KANSL3: variants seen among roughly 807,000 people sequenced by gnomAD.
The protein encoded by KANSL3 is NSL complex protein NSL3.
Under a neutral mutation model 89.2 loss-of-function variants are expected in KANSL3, and 16 were observed. The observed-to-expected ratio is 0.18, with a 90% CI of 0.12 to 0.27. The LOEUF (loss-of-function observed/expected upper bound fraction) is 0.27, where lower values mean the gene tolerates loss of function less well. Ranked by LOEUF, KANSL3 falls within the 10% of genes least tolerant of loss-of-function variation. KANSL3 has a pLI of 1.00. For missense variants in KANSL3, 879 were observed against 1,110.6 expected, an observed-to-expected ratio of 0.79 and a Z score of 2.96; for synonymous variants, 385 against 419.7, an observed-to-expected ratio of 0.92 and a Z score of 1.01.
intron 6 of KANSL3, 148 bp downstream of exon 6, chr2:96,613,340 T>C (rs750184837): frequency 5.5e-5 from 36 of 654,850 alleles, no homozygotes; most frequent in Non-Finnish European, 8.2e-5. Context: ...CACTGCACTC[T>C]AGCCTGGGTA....
Position 96,637,176 on chromosome 2 carries a change from TGCTAGTCACCTGCA to T in KANSL3, c.-50-5_-42del, listed in dbSNP as rs1422824592. Reference sequence around the variant, plus strand: ...GAAAGTCAGAGCATGGGTATCTGCATGCTAGTCACCTGCAGTGAAAAGTTTCAGTTTAGGTCAAT... The same window carrying T: ...GAAAGTCAGAGCATGGGTATCTGCATGTGAAAAGTTTCAGTTTAGGTCAAT... On this transcript the variant is annotated splice_acceptor_variant and splice_polypyrimidine_tract_variant and 5_prime_UTR_variant and intron_variant, in exon 2 of 21. Transcript: ENST00000431828. LOFTEE classifies it low-confidence loss of function (5UTR_SPLICE). 1 of 1,340,712 alleles carries T rather than the reference TGCTAGTCACCTGCA, an allele frequency of 7.5e-7. No homozygotes were observed. Among genetic ancestry groups the T allele is most frequent in the Admixed American group, 2.1e-5 (1 of 47,724 alleles). 83.1% of individuals were successfully genotyped at this position (1,340,712 alleles called of 1,614,324 possible).
intron 3 of KANSL3, 98 bp from the exon 4 acceptor site, chr2:96,619,860 T>G: frequency 1.0e-6 from 1 of 978,116 alleles, no homozygotes; most frequent in Non-Finnish European, 1.5e-6. Context: ...TTTATGTCTC[T>G]GCTAGGGAAC....
chr2:96,605,467 G>C lies in KANSL3; in HGVS notation c.1786C>G (p.Leu596Val). ...EPPEEGEKED[L>V]RVQLKRHHPS... Reference sequence around the variant, plus strand: ...TGGTGTCGCTTCAGCTGAACCCTAAGATCCTCTTTCTCTCCTTCCTCTGGT... The same window carrying C: ...TGGTGTCGCTTCAGCTGAACCCTAACATCCTCTTTCTCTCCTTCCTCTGGT... The change falls in exon 15 of 21, where the codon CTT (leucine) becomes GTT (valine). Residue 596 changes from leucine (L) to valine (V), a missense_variant. By Grantham distance (32) the Leu-to-Val change is conservative. This residue lies in a region of KANSL3 where 317 missense variants were observed against 311.2 expected (regional missense o/e 1.02). Coordinates refer to ENST00000431828, the MANE Select transcript of KANSL3 (RefSeq NM_001115016.3). The C allele has an allele frequency of 6.2e-7, 1 of 1,613,888 alleles. No homozygotes were observed. Among genetic ancestry groups the C allele is most frequent in the Non-Finnish European group, 8.5e-7 (1 of 1,179,818 alleles).
intron 3 of KANSL3, among the ~76,000 whole-genome samples, chr2:96,620,293 C>A (rs964003247): frequency 3.3e-5 from 5 of 152,156 alleles, no homozygotes; most frequent in Non-Finnish European, 7.4e-5. Context: ...TTCTTCCACT[C>A]CTCAATATTC....
chr2:96,614,534 G>A (rs1307683392), intron 5 of KANSL3, among the ~76,000 whole-genome samples: 2 of 152,172 alleles, frequency 1.3e-5, no homozygotes, highest in Admixed American at 1.3e-4. Flanking sequence ...ACTTTGAGAA[G>A]CCAAGGTGGG....
At chr2:96,637,695 ACTTCTTCAAGCCT>A (rs767414190) in intron 1 of KANSL3, among the ~76,000 whole-genome samples, 1 of 152,238 alleles carries the variant, frequency 6.6e-6, no homozygotes, top group Non-Finnish European at 1.5e-5. Context: ...CTAGGGCTCC[ACTTCTTCAAGCCT>A]CTCGTATTGT....
At chr2:96,617,500 AG>A in intron 5 of KANSL3, among the ~76,000 whole-genome samples, 2 of 151,936 alleles carry the variant, frequency 1.3e-5, no homozygotes, top group Non-Finnish European at 2.9e-5. Flanking sequence ...CGTGTTGGCC[AG>A]GCAACTTACA....
intron 14 of KANSL3, chr2:96,607,126 T>C: frequency 1.1e-6 from 1 of 931,272 alleles, no homozygotes; most frequent in South Asian, 1.4e-5. Flanking sequence ...GAAAAAAGGT[T>C]GTAGAAAATG....
intron 3 of KANSL3, 82 bp downstream of exon 3, chr2:96,631,229 TA>T: frequency 1.0e-6 from 1 of 990,192 alleles, no homozygotes. Flanking sequence ...GCAAATGAAA[TA>T]AGGTCCTAAT....
chr2:96,598,143 T>C (rs1402699054), intron 20 of KANSL3: 2 of 985,286 alleles, frequency 2.0e-6, no homozygotes, highest in Non-Finnish European at 2.4e-6. Flanking sequence ...CAACATGGCA[T>C]CAGCAAACGA....
chr2:96,627,835 G>T (rs867862142), intron 3 of KANSL3: 1 of 1,080,750 alleles, frequency 9.3e-7, no homozygotes. Flanking sequence ...CAGATTCAGG[G>T]ACAGGGTCAT....
rs902217188 is a variant in KANSL3 at position 96,600,633 on chromosome 2, C to T, written c.2616+1010G>A. ...GAAGGCCTTGGCTGTATAGCGGATA[C>T]TGAAGGAAAGCACACTCAGTACTAG... On this transcript the variant is annotated intron_variant, in intron 20 of 20. Coordinates refer to ENST00000431828, the MANE Select transcript of KANSL3 (RefSeq NM_001115016.3). 6.1e-6 allele frequency: 6 copies of T among 985,260 alleles called. No individual in the cohort carries two copies. The African/African-American group carries it at 1.0e-4, about 17-fold the overall frequency. The allele number at this position is 985,260 out of a possible 1,614,324, so 61.0% of individuals were successfully genotyped here.
intron 2 of KANSL3, among the ~76,000 whole-genome samples, chr2:96,632,824 G>C (rs1470723421): frequency 6.6e-6 from 1 of 151,808 alleles, no homozygotes; most frequent in Non-Finnish European, 1.5e-5. Context: ...AATTTAGCCA[G>C]CCATGGTAGC....
chr2:96,589,578 CAT>C (rs1475978659), downstream of KANSL3, among the ~76,000 whole-genome samples: 4 of 152,172 alleles, frequency 2.6e-5, no homozygotes, highest in African/African-American at 9.7e-5. Context: ...TGAAAGGAGA[CAT>C]AGACAATTCC....
chr2:96,630,150 C>T (rs985076237), intron 3 of KANSL3, among the ~76,000 whole-genome samples: 9 of 152,148 alleles, frequency 5.9e-5, no homozygotes, highest in African/African-American at 2.2e-4. Context: ...TATCATATGA[C>T]CCAACAAGTC....
chr2:96,610,875 A>G lies in KANSL3; in HGVS notation c.1170T>C (p.Asp390=). 5 of 1,613,944 alleles carry G rather than the reference A, an allele frequency of 3.1e-6. No individual in the cohort carries two copies. The highest frequency in any genetic ancestry group is 4.2e-6 in the Non-Finnish European group (5 of 1,179,806). The change falls in exon 11 of 21, where the codon GAT becomes GAC. Residue 390 remains aspartate (D), a synonymous_variant. Transcript: ENST00000431828. The part of the protein sequence containing the change: ...LTVDGPRGDV[D]DPLLDMKTPV... ...GAGTCTTCATATCCAAGAGGGGATC[A>G]TCTACATCCTAAAACAGGTATAGGT...
At chr2:96,620,298 A>G (rs2071009929) in intron 3 of KANSL3, among the ~76,000 whole-genome samples, 1 of 152,186 alleles carries the variant, frequency 6.6e-6, no homozygotes, top group Non-Finnish European at 1.5e-5. Flanking sequence ...CCACTCCTCA[A>G]TATTCTACCC....
At chr2:96,585,748 G>A in the KANSL3 span, among the ~76,000 whole-genome samples, 4 of 152,054 alleles carry the variant, frequency 2.6e-5, no homozygotes, top group Non-Finnish European at 5.9e-5. Context: ...AAAAAAAAAT[G>A]TGGTATATAT....
intron 3 of KANSL3, among the ~76,000 whole-genome samples, chr2:96,626,868 T>A (rs1001825293): frequency 1.8e-4 from 27 of 152,206 alleles, no homozygotes; most frequent in Non-Finnish European, 3.8e-4. Flanking sequence ...TGTTTTAGGG[T>A]TTCCAGGCCA....
Sources: gnomAD v4.1 joint callset for allele counts (sites outside exome capture counted in the v4.1 genomes callset) on GRCh38, gnomAD v4.1.1 for gene constraint, gnomAD v4.1.1 regional missense constraint, MANE v1.5 for transcripts, NCBI Gene and HGNC (gene_info 2026-07-23, HGNC 2026-07-21) for gene names.